ATRX: variants seen among roughly 807,000 people sequenced by gnomAD.
The protein encoded by ATRX is chromatin remodeler ATRX.
Under a neutral mutation model 172.6 loss-of-function variants are expected in ATRX, and 12 were observed. The ratio of observed to expected loss-of-function variants is 0.07; its 90% CI spans 0.04 to 0.11. The LOEUF is 0.11. ATRX is among the 10% of genes least tolerant of loss of function. The pLI is 1.00. For synonymous variants in ATRX, 674 were observed against 594.7 expected (o/e 1.13, Z -1.94); for missense variants, 1,368 against 1,767.4 (o/e 0.77, Z 4.05).
rs1252106390 is a variant in ATRX, at chrX:77,683,384, T to C, written c.1872A>G (p.Leu624=). 3.3e-6 allele frequency: 4 copies of C among 1,211,344 alleles called. No homozygotes were observed. The highest frequency in any genetic ancestry group is 4.5e-6 in the Non-Finnish European group (4 of 895,098). Residue 624 remains leucine, a synonymous_variant, in exon 9 of 35, where the codon TTA becomes TTG. Transcript: ENST00000373344. Reference sequence around the variant, plus strand: ...TTTCCTGTCCAAGTCCACATTTCTCTAACTTGGGGTTCAGACCACAACTTT... The same window carrying C: ...TTTCCTGTCCAAGTCCACATTTCTCCAACTTGGGGTTCAGACCACAACTTT... ...GYKSCGLNPK[L]EKCGLGQENS... is the part of the protein sequence containing the mutation.
chrX:77,702,209 G>A (rs959058778), intron 2 of ATRX, among the ~76,000 whole-genome samples: 53 of 112,560 alleles, frequency 4.7e-4, no homozygotes, highest in Middle Eastern at 4.6e-3. Flanking sequence ...TTGGGAGGCC[G>A]AGGCAGGCGG....
intron 18 of ATRX, 30 bp from the exon 19 acceptor site, chrX:77,633,414 G>T (rs1557106527): frequency 2.5e-6 from 3 of 1,185,192 alleles, no homozygotes; most frequent in Non-Finnish European, 3.4e-6. Flanking sequence ...ATTTTTTTAA[G>T]TAGCTACTAA....
intron 6 of ATRX, among the ~76,000 whole-genome samples, chrX:77,691,859 T>TG (rs1557147190): frequency 8.9e-6 from 1 of 112,145 alleles, no homozygotes; most frequent in Non-Finnish European, 1.9e-5. Context: ...GTGTGATTTC[T>TG]GACAGCTTAA....
At chrX:77,552,394 T>C (rs1319849301) in intron 30 of ATRX, among the ~76,000 whole-genome samples, 1 of 93,818 alleles carries the variant, frequency 1.1e-5, no homozygotes, top group Non-Finnish European at 2.0e-5. Context: ...TTCTCACTCA[T>C]AGGTGGGAAT....
At chrX:77,585,574 T>TC (rs1434631384) in intron 27 of ATRX, among the ~76,000 whole-genome samples, 2 of 35,336 alleles carry the variant, frequency 5.7e-5, no homozygotes, top group African/African-American at 2.1e-4. Flanking sequence ...AGACCTTGTC[T>TC]CCCCCCACCA....
chrX:77,536,043 T>C (rs993381021), intron 30 of ATRX, among the ~76,000 whole-genome samples: 1 of 108,051 alleles, frequency 9.3e-6, no homozygotes, highest in Admixed American at 1.0e-4. Context: ...CCTGGCCACA[T>C]CTTTTGTTTT....
chrX:77,725,867 TA>T (rs1376920803), intron 1 of ATRX, among the ~76,000 whole-genome samples: 1 of 112,297 alleles, frequency 8.9e-6, no homozygotes, highest in Non-Finnish European at 1.9e-5. Context: ...AAGACACATG[TA>T]AAAATGCTCA....
At chrX:77,572,161 C>T (rs1348022934) in intron 28 of ATRX, among the ~76,000 whole-genome samples, 1 of 110,873 alleles carries the variant, frequency 9.0e-6, no homozygotes, top group African/African-American at 3.3e-5. Flanking sequence ...TTCAGCTACT[C>T]AAGAGCAACT....
rs2072247978 is a variant in ATRX at position 77,697,470 on chromosome X, G to T, written c.242+113C>A. ...ATTTTCAAATATGTATATTTGTATA[G>T]AATAGTTAACTCAGAATAGTGGTTG... On this transcript the variant is annotated intron_variant, in intron 4 of 34. Coordinates refer to ENST00000373344, the MANE Select transcript of ATRX (RefSeq NM_000489.6). 5 of 696,817 alleles carry T rather than the reference G, an allele frequency of 7.2e-6. No individual in the cohort carries two copies. The South Asian group carries it at 1.2e-4, about 17-fold the overall frequency. 57.4% of individuals were successfully genotyped at this position (696,817 alleles called of 1,213,427 possible). A position where few individuals can be genotyped will look rare whatever the true frequency, so the allele number is the denominator to read the frequency against.
intron 28 of ATRX, chrX:77,561,815 TAAC>T (rs1416229944): frequency 1.8e-5 from 2 of 111,627 alleles, no homozygotes; most frequent in Admixed American, 9.5e-5. Flanking sequence ...ACAACTTATA[TAAC>T]AACAATACAT....
At chrX:77,727,619 G>A (rs1368228815) in intron 1 of ATRX, among the ~76,000 whole-genome samples, 1 of 108,094 alleles carries the variant, frequency 9.3e-6, no homozygotes, top group African/African-American at 3.4e-5. Context: ...CTCATAAGTG[G>A]GAGTTGAACA....
chrX:77,673,176 C>G (rs1172867856), intron 10 of ATRX, among the ~76,000 whole-genome samples: 1 of 110,465 alleles, frequency 9.1e-6, no homozygotes, highest in Non-Finnish European at 1.9e-5. Flanking sequence ...TTATATTGAA[C>G]ATATAAAGGA....
intron 30 of ATRX, among the ~76,000 whole-genome samples, chrX:77,527,322 T>C (rs1354930561): frequency 1.8e-5 from 2 of 111,565 alleles, no homozygotes; most frequent in Non-Finnish European, 3.8e-5. Flanking sequence ...ACATTGGGAC[T>C]GAATAGGCAA....
In ATRX at chrX:77,574,372, A is replaced by G. The variant is rs782005827; in HGVS notation, c.6218-14T>C. The stretch of plus-strand genomic sequence containing the variant: ...ACTTCCCCTCACCTGAAAATTTAAC[A>G]AAAGAACACAAAAGGAATTTGATAT... On this transcript the variant is annotated splice_polypyrimidine_tract_variant and intron_variant, in intron 27 of 34. Coordinates refer to ENST00000373344, the MANE Select transcript of ATRX (RefSeq NM_000489.6). 4 of 1,088,058 alleles carry G rather than the reference A, an allele frequency of 3.7e-6. No homozygotes were observed. In the East Asian group the frequency reaches 1.2e-4, roughly 33 times the overall value. The allele number at this position is 1,088,058 out of a possible 1,213,427, so 89.7% of individuals were successfully genotyped here.
chrX:77,682,728 T>C lies in ATRX; in HGVS notation c.2528A>G (p.Asn843Ser). 4.1e-6 allele frequency: 5 copies of C among 1,209,958 alleles called. No individual in the cohort carries two copies. The highest frequency in any genetic ancestry group is 5.6e-6 in the Non-Finnish European group (5 of 895,108). The change falls in exon 9 of 35, where the codon AAT becomes AGT. Residue 843 changes from asparagine (N) to serine (S), a missense_variant. Physicochemically the swap from Asn to Ser is conservative, Grantham distance 46 (BLOSUM62 1). This residue lies in a region of ATRX where 843 missense variants were observed against 643.1 expected (regional missense o/e 1.31). Coordinates refer to ENST00000373344, the MANE Select transcript of ATRX (RefSeq NM_000489.6). ...TTCAGAAGAGTCAAAATCTTTTGTATTTGGAATTCTTTTTTTGGTGGTTCT... is the reference window on the plus strand; with the variant it reads ...TTCAGAAGAGTCAAAATCTTTTGTACTTGGAATTCTTTTTTTGGTGGTTCT... Reference protein sequence around the residue: ...AARTTKKRIPNTKDFDSSEDE... With the variant: ...AARTTKKRIPSTKDFDSSEDE...
chrX:77,651,217 C>CAAAA (rs1170232589), intron 15 of ATRX, among the ~76,000 whole-genome samples: 410 of 16,406 alleles, frequency 0.025, 64 homozygotes, highest in Admixed American at 0.03. Flanking sequence ...AACTCCATCT[C>CAAAA]AAAAAAAAAA....
intron 1 of ATRX, among the ~76,000 whole-genome samples, chrX:77,734,589 C>G (rs1290569666): frequency 9.1e-6 from 1 of 109,293 alleles, no homozygotes; most frequent in Non-Finnish European, 1.9e-5. Context: ...GAGTTTGAGA[C>G]CAGCCTGGCC....
intron 28 of ATRX, among the ~76,000 whole-genome samples, chrX:77,569,398 G>A (rs782329854): frequency 1.8e-5 from 2 of 110,913 alleles, no homozygotes; most frequent in Admixed American, 9.6e-5. Flanking sequence ...ATTATAGTTG[G>A]AGACTTTTCT....
chrX:77,518,873 C>A (rs1372003098), intron 34 of ATRX, among the ~76,000 whole-genome samples: 17 of 111,564 alleles, frequency 1.5e-4, no homozygotes, highest in African/African-American at 5.2e-4. Context: ...TCATTTTTTG[C>A]ACAGGTGCCA....
Sources: allele counts gnomAD v4.1 joint callset (sites outside exome capture counted in the v4.1 genomes callset), GRCh38; gene constraint gnomAD v4.1.1; regional missense constraint gnomAD v4.1.1; transcripts MANE v1.5; gene names NCBI Gene and HGNC (gene_info 2026-07-23, HGNC 2026-07-21).